Variants in TTBK2 observed in about 807,000 individuals in gnomAD.
TTBK2 encodes the protein tau-tubulin kinase 2.
A neutral mutation model predicts 110.8 loss-of-function variants in TTBK2; 28 were observed. That is an observed-to-expected ratio of 0.25 (90% CI 0.19 to 0.35). TTBK2 has a LOEUF of 0.35. Ranked by LOEUF, TTBK2 falls within the 10% of genes least tolerant of loss-of-function variation. The pLI is 1.00. For synonymous variants in TTBK2, 532 were observed against 527.3 expected (o/e 1.01, Z -0.12); for missense variants, 1,369 against 1,500.3 (o/e 0.91, Z 1.45).
chr15:42,840,698 T>C, intron 3 of TTBK2: 1 of 507,068 alleles, frequency 2.0e-6, no homozygotes, highest in Non-Finnish European at 3.6e-6. Flanking sequence ...TATGGTAACT[T>C]ATTTAGGGAG....
At chr15:42,803,692 A>G (rs1395475167) in intron 9 of TTBK2, among the ~76,000 whole-genome samples, 3 of 152,210 alleles carry the variant, frequency 2.0e-5, no homozygotes, top group African/African-American at 7.2e-5. Context: ...GAGGAAATAA[A>G]AGAAGTTCTA....
At chr15:42,763,112 A>ACG (rs1295716918) in intron 13 of TTBK2, among the ~76,000 whole-genome samples, 16 of 115,734 alleles carry the variant, frequency 1.4e-4, no homozygotes, top group African/African-American at 5.9e-4. Context: ...ACGTATATAT[A>ACG]TATATACACA....
At chr15:42,840,645 T>C (rs986342337) in intron 3 of TTBK2, 1 of 639,256 alleles carries the variant, frequency 1.6e-6, no homozygotes, top group Non-Finnish European at 2.8e-6. Flanking sequence ...TAAATGACTA[T>C]TTGAATGAAT....
intron 7 of TTBK2, among the ~76,000 whole-genome samples, chr15:42,815,491 C>T (rs1891899767): frequency 6.6e-6 from 1 of 151,968 alleles, no homozygotes; most frequent in Admixed American, 6.6e-5. Context: ...TTTCCCAACT[C>T]CATGCAAAAA....
At chr15:42,802,084 C>T (rs750087650) in intron 9 of TTBK2, 11 of 1,460,702 alleles carry the variant, frequency 7.5e-6, no homozygotes, top group Middle Eastern at 1.8e-4. Flanking sequence ...CTCCAGGAAC[C>T]GTACCTTGTC....
rs776906588 is a variant in TTBK2, at chr15:42,783,465, T to A, written c.1151A>T (p.Glu384Val). 1.2e-6 allele frequency: 2 copies of A among 1,614,052 alleles called. No individual in the cohort carries two copies. Among genetic ancestry groups the A allele is most frequent in the East Asian group, 4.5e-5 (2 of 44,898 alleles). The change falls in exon 11 of 15, where the codon GAA (glutamate) becomes GTA (valine). Residue 384 changes from glutamate (E) to valine (V), a missense_variant. Glu to Val is a moderately radical substitution (Grantham distance 121). Transcript: ENST00000267890. ...CTTGTTTTTGTTGGCATCCATCTCT[T>A]CCCAAACATCCTTCTCCTGGGGACG... ...HPRPQEKDVWEEMDANKNKIK... is the reference protein window; with the variant it reads ...HPRPQEKDVWVEMDANKNKIK...
chr15:42,848,013 A>AT (rs960728159), intron 3 of TTBK2, among the ~76,000 whole-genome samples: 6 of 150,982 alleles, frequency 4.0e-5, no homozygotes, highest in South Asian at 2.1e-4. Context: ...TGTTGAGTTT[A>AT]TTTTTTTTTC....
At chr15:42,746,635 A>G (rs997558915) in intron 14 of TTBK2, among the ~76,000 whole-genome samples, 8 of 152,230 alleles carry the variant, frequency 5.3e-5, no homozygotes, top group African/African-American at 1.9e-4. Context: ...GTTAGCACAT[A>G]AGACAGAGAG....
chr15:42,739,196 T>C lies in TTBK2; in HGVS notation c.*6599A>G, dbSNP rs568515859. On this transcript the variant is annotated 3_prime_UTR_variant, in exon 15 of 15. Transcript: ENST00000267890. The stretch of plus-strand genomic sequence containing the variant: ...CTGAGCAAAATTGTATAAAGGGAGC[T>C]GCTTGGAGGGGAAAGGAACACAATA... 18 of 152,312 alleles carry C rather than the reference T, an allele frequency of 1.2e-4. No homozygotes were observed. In the East Asian group the frequency reaches 2.9e-3, roughly 24 times the overall value. The allele number at this position is 152,312 out of a possible 1,614,324, so 9.4% of individuals were successfully genotyped here.
chr15:42,905,978 C>T (rs1390652818), intron 1 of TTBK2, among the ~76,000 whole-genome samples: 1 of 152,136 alleles, frequency 6.6e-6, no homozygotes, highest in Non-Finnish European at 1.5e-5. Flanking sequence ...CACCTGAGGT[C>T]GGGAGTTCGA....
chr15:42,787,054 A>C (rs1890442937), intron 10 of TTBK2, among the ~76,000 whole-genome samples: 2 of 152,212 alleles, frequency 1.3e-5, no homozygotes, highest in African/African-American at 4.8e-5. Flanking sequence ...GTAAGAACGA[A>C]TATCCTTTTC....
intron 13 of TTBK2, among the ~76,000 whole-genome samples, chr15:42,769,701 C>A (rs936268637): frequency 6.6e-5 from 10 of 152,062 alleles, no homozygotes; most frequent in African/African-American, 2.2e-4. Flanking sequence ...GACAGTGTGG[C>A]GATTTCTTAA....
In TTBK2 at chr15:42,738,891, A is replaced by C. The variant is rs1284498865; in HGVS notation, c.*6904T>G. 1 of 152,228 alleles carries C rather than the reference A, an allele frequency of 6.6e-6. No individual in the cohort carries two copies. Among genetic ancestry groups the C allele is most frequent in the Non-Finnish European group, 1.5e-5 (1 of 68,046 alleles). The allele number at this position is 152,228 out of a possible 1,614,324, so 9.4% of individuals were successfully genotyped here. ...ATCTGCTCCCCGTTGATCTTGTAAC[A>C]TCTGGTGTATTCAATAACTTTATTA... On this transcript the variant is annotated 3_prime_UTR_variant, in exon 15 of 15. Transcript: ENST00000267890.
At chr15:42,811,914 A>T in intron 7 of TTBK2, 134 bp from the exon 8 acceptor site, 6 of 607,044 alleles carry the variant, frequency 9.9e-6, no homozygotes, top group Non-Finnish European at 1.4e-5. Flanking sequence ...ATTATATGAT[A>T]AACATATATA....
In TTBK2 at chr15:42,878,488, T is replaced by C. The variant is rs550417937; in HGVS notation, c.69+61A>G. The C allele has an allele frequency of 4.1e-5, 62 of 1,519,498 alleles. No homozygotes were observed. The African/African-American group carries it at 8.5e-4, about 21-fold the overall frequency. 94.1% of individuals were successfully genotyped at this position (1,519,498 alleles called of 1,614,324 possible). A position where few individuals can be genotyped will look rare whatever the true frequency, so the allele number is the denominator to read the frequency against. The stretch of plus-strand genomic sequence containing the variant: ...GGATACCAAAAATTACCCCCCGATA[T>C]GTATACACACACACACACACACACA... On this transcript the variant is annotated intron_variant, in intron 2 of 14. Transcript: ENST00000267890.
chr15:42,787,327 C>T (rs1163494789), intron 10 of TTBK2, among the ~76,000 whole-genome samples: 1 of 152,144 alleles, frequency 6.6e-6, no homozygotes, highest in Admixed American at 6.5e-5. Flanking sequence ...TTTCATTCTC[C>T]CTCTACGAAG....
rs907495112 is a variant in TTBK2 at position 42,745,782 on chromosome 15, T to G, written c.*13A>C. 8.7e-6 allele frequency: 14 copies of G among 1,613,774 alleles called. No homozygotes were observed. In the Admixed American group the frequency reaches 1.5e-4, roughly 17 times the overall value. Reference sequence around the variant, plus strand: ...GAAGATCTCACACCTTTCAAAGAGATGCAGCCTGGCTCCTATCTGCTGAGT... The same window carrying G: ...GAAGATCTCACACCTTTCAAAGAGAGGCAGCCTGGCTCCTATCTGCTGAGT... On this transcript the variant is annotated 3_prime_UTR_variant, in exon 15 of 15. Coordinates refer to ENST00000267890, the MANE Select transcript of TTBK2 (RefSeq NM_173500.4).
At chr15:42,843,773 A>G (rs1893337915) in intron 3 of TTBK2, among the ~76,000 whole-genome samples, 1 of 139,126 alleles carries the variant, frequency 7.2e-6, no homozygotes, top group Admixed American at 7.0e-5. Context: ...AAAAAAAAAA[A>G]AAAAAAAAAG....
At chr15:42,801,455 T>C in intron 9 of TTBK2, 1 of 827,328 alleles carries the variant, frequency 1.2e-6, no homozygotes. Context: ...ACCCTCAGTC[T>C]CAGCTTGGAG....
Sources: allele counts gnomAD v4.1 joint callset (sites outside exome capture counted in the v4.1 genomes callset), GRCh38; gene constraint gnomAD v4.1.1; transcripts MANE v1.5; gene names NCBI Gene and HGNC (gene_info 2026-07-23, HGNC 2026-07-21).